Variants in ARHGEF10L observed in about 807,000 individuals in gnomAD.
ARHGEF10L encodes the protein rho guanine nucleotide exchange factor 10-like protein.
In ARHGEF10L, 69 loss-of-function variants were observed where a neutral mutation model predicts 141.2. That is an observed-to-expected ratio of 0.49 (90% confidence interval 0.40 to 0.60). The LOEUF is 0.60. ARHGEF10L is among the 20% of genes least tolerant of loss of function. ARHGEF10L has a pLI of 0.00. For synonymous variants in ARHGEF10L, 711 were observed against 718.5 expected (o/e 0.99, Z 0.17); for missense variants, 1,482 against 1,734.3 (o/e 0.85, Z 2.58).
chr1:17,624,652 T>C (rs1226385532), intron 13 of ARHGEF10L, 149 bp downstream of exon 13: 1 of 684,860 alleles, frequency 1.5e-6, no homozygotes, highest in East Asian at 2.7e-5. Flanking sequence ...CCCAGTCCCA[T>C]GGGAAGAAAA....
At chr1:17,645,310 C>A (rs1291039560) in intron 21 of ARHGEF10L, among the ~76,000 whole-genome samples, 1 of 152,110 alleles carries the variant, frequency 6.6e-6, no homozygotes, top group Non-Finnish European at 1.5e-5. Context: ...AGCAACGACT[C>A]CATTTTCTTG....
At position 17,624,416 on chromosome 1, in the gene ARHGEF10L, C is replaced by T. The variant is rs2060271617; in HGVS notation, c.1230C>T (p.Tyr410=). 1.2e-6 allele frequency: 2 copies of T among 1,614,204 alleles called. No individual in the cohort carries two copies. Among genetic ancestry groups the T allele is most frequent in the Non-Finnish European group, 8.5e-7 (1 of 1,180,018 alleles). The stretch of plus-strand genomic sequence containing the variant: ...CCAAGTCCATGGTGCTAGATGTGTA[C>T]AGTGACTACGTGAACAACTTCACCA... The part of the protein sequence containing the change: ...SFSKSMVLDV[Y]SDYVNNFTSA... Residue 410 remains tyrosine, a synonymous_variant, in exon 13 of 29, where the codon TAC becomes TAT. Coordinates refer to ENST00000361221, the MANE Select transcript of ARHGEF10L (RefSeq NM_018125.4).
intron 7 of ARHGEF10L, among the ~76,000 whole-genome samples, chr1:17,611,572 C>G (rs931787979): frequency 4.0e-5 from 6 of 151,568 alleles, no homozygotes; most frequent in Non-Finnish European, 8.8e-5. Flanking sequence ...ATCCATCCAT[C>G]CATCCACTCA....
upstream of ARHGEF10L, among the ~76,000 whole-genome samples, chr1:17,536,949 A>G (rs1557679323): frequency 6.6e-6 from 1 of 152,068 alleles, no homozygotes; most frequent in African/African-American, 2.4e-5. Flanking sequence ...GGCTCACTGC[A>G]GCCTCAAACT....
intron 25 of ARHGEF10L, among the ~76,000 whole-genome samples, chr1:17,663,557 G>GA (rs71014976): frequency 0.2 from 25,264 of 125,910 alleles, 2,213 homozygotes; most frequent in African/African-American, 0.23. Context: ...CTGTCTCAAA[G>GA]AAAAAAAAAA....
At chr1:17,674,011 G>A (rs1012695306) in intron 26 of ARHGEF10L, among the ~76,000 whole-genome samples, 6 of 152,128 alleles carry the variant, frequency 3.9e-5, no homozygotes, top group Admixed American at 6.5e-5. Context: ...CATCAGCCCC[G>A]TGTTCCATTG....
chr1:17,621,811 G>A lies in ARHGEF10L; in HGVS notation c.943-53G>A. 6.8e-7 allele frequency: 1 copy of A among 1,481,350 alleles called. No homozygotes were observed. Among genetic ancestry groups the A allele is most frequent in the Non-Finnish European group, 9.2e-7 (1 of 1,087,696 alleles). The allele number at this position is 1,481,350 out of a possible 1,614,324, so 91.8% of individuals were successfully genotyped here. ...TGTCAGCTCCCCTTCCTGTCACTTGGGCCCTGTGCAGCAGGTGTCATGTGC... is the reference window on the plus strand; with the variant it reads ...TGTCAGCTCCCCTTCCTGTCACTTGAGCCCTGTGCAGCAGGTGTCATGTGC... On this transcript the variant is annotated intron_variant, in intron 10 of 28. Transcript: ENST00000361221. This position sits in a 1 kb window ranked among gnomAD's most constrained non-coding sequence, Gnocchi z 4.1.
At chr1:17,689,353 G>A (rs544417964) in intron 27 of ARHGEF10L, among the ~76,000 whole-genome samples, 5 of 151,792 alleles carry the variant, frequency 3.3e-5, no homozygotes, top group Non-Finnish European at 5.9e-5. Context: ...GTCCTGGGCC[G>A]GCAGGGTGGC....
At chr1:17,553,092 G>A (rs917260756) in intron 1 of ARHGEF10L, among the ~76,000 whole-genome samples, 3 of 152,202 alleles carry the variant, frequency 2.0e-5, no homozygotes, top group African/African-American at 7.2e-5. Context: ...TTTCAGCCAA[G>A]TGGGGCAGAC....
intron 26 of ARHGEF10L, among the ~76,000 whole-genome samples, chr1:17,678,417 G>GTT (rs397863291): frequency 6.8e-4 from 90 of 132,976 alleles, no homozygotes; most frequent in South Asian, 1.5e-3. Context: ...AGATTTCAGG[G>GTT]TTTTTTTTTT....
chr1:17,602,450 A>G (rs751141081), intron 5 of ARHGEF10L, among the ~76,000 whole-genome samples: 3 of 152,184 alleles, frequency 2.0e-5, no homozygotes, highest in African/African-American at 4.8e-5. Flanking sequence ...TTCCCACAAC[A>G]GGCCAGGGCG....
At chr1:17,562,439 G>A (rs1258405275) in intron 1 of ARHGEF10L, among the ~76,000 whole-genome samples, 1 of 151,962 alleles carries the variant, frequency 6.6e-6, no homozygotes, top group African/African-American at 2.4e-5. Context: ...AAAAAGAGTG[G>A]GGAGTCAAGT....
At chr1:17,695,554 C>T (rs1425821856) in intron 28 of ARHGEF10L, among the ~76,000 whole-genome samples, 2 of 152,242 alleles carry the variant, frequency 1.3e-5, no homozygotes, top group African/African-American at 4.8e-5. Context: ...GCAGGGGCTC[C>T]ACTGGCCCTT....
At chr1:17,645,179 G>A (rs113001497) in intron 21 of ARHGEF10L, among the ~76,000 whole-genome samples, 7 of 152,194 alleles carry the variant, frequency 4.6e-5, no homozygotes, top group South Asian at 2.1e-4. Context: ...TTCTGCAGTC[G>A]GTGCCAGTTC....
rs1234258538 is a variant in ARHGEF10L, at chr1:17,654,396, G to A, written c.2395-240G>A. Among the ~76,000 whole-genome samples the A allele has an allele frequency of 6.6e-6, 1 of 152,160 alleles. No homozygotes were observed. Among genetic ancestry groups the A allele is most frequent in the East Asian group, 1.9e-4 (1 of 5,194 alleles). ...AGCTGCTCACTTTCAGAGACCCTGGGCTGATACAGAGCCTCTTGCAGGCCT... is the reference window on the plus strand; with the variant it reads ...AGCTGCTCACTTTCAGAGACCCTGGACTGATACAGAGCCTCTTGCAGGCCT... On this transcript the variant is annotated intron_variant, in intron 22 of 28. Coordinates refer to ENST00000361221, the MANE Select transcript of ARHGEF10L (RefSeq NM_018125.4). This position sits in a 1 kb window ranked among gnomAD's most constrained non-coding sequence, Gnocchi z 4.3.
Position 17,639,378 on chromosome 1 carries a change from G to A in ARHGEF10L, c.2171+689G>A, listed in dbSNP as rs2061199725. On this transcript the variant is annotated intron_variant, in intron 20 of 28. Transcript: ENST00000361221. The surrounding 1 kb of genome is among the most constrained non-coding windows in gnomAD (Gnocchi z 4.3). ...CAATGCCCAGGTTTTGGCCTCCAGG[G>A]TGGGGTGAAGGTGGGGATAGAGTGT... is the stretch of plus-strand genomic sequence containing the variant. Among the ~76,000 whole-genome samples the A allele has an allele frequency of 6.6e-6, 1 of 152,236 alleles. No individual in the cohort carries two copies. Among genetic ancestry groups the A allele is most frequent in the African/African-American group, 2.4e-5 (1 of 41,468 alleles).
intron 25 of ARHGEF10L, among the ~76,000 whole-genome samples, chr1:17,657,066 T>C (rs1207140617): frequency 6.6e-6 from 1 of 152,130 alleles, no homozygotes; most frequent in Non-Finnish European, 1.5e-5. Flanking sequence ...CTGGGACTCT[T>C]CATGAGAATA....
chr1:17,603,969 C>T lies in ARHGEF10L; in HGVS notation c.433+378C>T, dbSNP rs1057253555. Among the ~76,000 whole-genome samples the T allele has an allele frequency of 1.3e-5, 2 of 152,128 alleles. No individual in the cohort carries two copies. Among genetic ancestry groups the T allele is most frequent in the Admixed American group, 6.5e-5 (1 of 15,276 alleles). ...GCAGATAAAGCTTTGCAAAGCCCTG[C>T]GCCCTGCTCTGGGTTGAGGGCTGAG... On this transcript the variant is annotated intron_variant, in intron 6 of 28. Transcript: ENST00000361221. The surrounding 1 kb of genome is among the most constrained non-coding windows in gnomAD (Gnocchi z 4.8).
At chr1:17,694,154 T>A (rs2065314825) in intron 27 of ARHGEF10L, 1 of 152,252 alleles carries the variant, frequency 6.6e-6, no homozygotes, top group South Asian at 2.1e-4. Flanking sequence ...TTTAACCCAA[T>A]GGAGAGTATC....
Sources: allele counts gnomAD v4.1 joint callset (sites outside exome capture counted in the v4.1 genomes callset), GRCh38; gene constraint gnomAD v4.1.1; non-coding constraint Gnocchi (gnomAD v3.1); transcripts MANE v1.5; gene names NCBI Gene and HGNC (gene_info 2026-07-23, HGNC 2026-07-21).